Variants in GGH observed in about 807,000 individuals in gnomAD.
GGH encodes gamma-Glu-X carboxypeptidase.
In GGH, 18 loss-of-function variants were observed where a neutral mutation model predicts 39.2. That is an observed-to-expected ratio of 0.46 (90% CI 0.32 to 0.68). The LOEUF (loss-of-function observed/expected upper bound fraction) is 0.68. GGH is among the 30% of genes least tolerant of loss of function. The pLI, the probability that GGH is intolerant of heterozygous loss-of-function variation, is 0.04. For synonymous variants in GGH, 147 were observed against 138.8 expected (o/e 1.06, Z -0.42); for missense variants, 367 against 384.1 (o/e 0.96, Z 0.37).
At chr8:63,030,887 G>A (rs1310667679) in intron 2 of GGH, among the ~76,000 whole-genome samples, 2 of 151,560 alleles carry the variant, frequency 1.3e-5, no homozygotes, top group Non-Finnish European at 2.9e-5. Context: ...CCTTTCTCCA[G>A]AAAAAAAAGA....
rs558586047 is a variant in GGH, at chr8:63,033,479, T to C, written c.224+2177A>G. ...TTTATGATTCAGTCTTGGTAGACTG[T>C]GTGTTTCTAACAATTTATTCATTTC... On this transcript the variant is annotated intron_variant, in intron 2 of 8. Transcript: ENST00000260118. 9.2e-5 allele frequency among the ~76,000 whole-genome samples: 14 copies of C among 152,344 alleles called. No individual in the cohort carries two copies. In the East Asian group the frequency reaches 2.5e-3, roughly 27 times the overall value.
intron 1 of GGH, among the ~76,000 whole-genome samples, chr8:63,036,934 C>G (rs1804920449): frequency 6.6e-6 from 1 of 152,166 alleles, no homozygotes; most frequent in African/African-American, 2.4e-5. Context: ...ATGCTCTGCC[C>G]CACCCATCTC....
chr8:63,020,543 G>A (rs1174267089), intron 7 of GGH, among the ~76,000 whole-genome samples: 1 of 152,198 alleles, frequency 6.6e-6, no homozygotes, highest in African/African-American at 2.4e-5. Context: ...TTGTGGAGAA[G>A]AGGAATAATG....
intron 2 of GGH, among the ~76,000 whole-genome samples, chr8:63,033,983 T>TTTTA (rs1554603446): frequency 4.2e-5 from 6 of 143,240 alleles, no homozygotes; most frequent in African/African-American, 1.3e-4. Flanking sequence ...TTGTCTCTCC[T>TTTTA]TATATATATA....
chr8:63,022,630 T>C (rs12541370), intron 7 of GGH, among the ~76,000 whole-genome samples: 18,714 of 151,592 alleles, frequency 0.12, 1,355 homozygotes, highest in East Asian at 0.34. Context: ...TCTCGACTCA[T>C]TGCAACTCCA....
intron 3 of GGH, among the ~76,000 whole-genome samples, chr8:63,028,768 G>A (rs1291549311): frequency 6.6e-6 from 1 of 152,158 alleles, no homozygotes; most frequent in Non-Finnish European, 1.5e-5. Flanking sequence ...AAGACATACT[G>A]AGCATCTGGA....
chr8:63,034,663 T>C (rs1285924935), intron 2 of GGH, among the ~76,000 whole-genome samples: 2 of 152,200 alleles, frequency 1.3e-5, no homozygotes, highest in Admixed American at 1.3e-4. Context: ...TTTATTCTTA[T>C]AGGAACATTT....
At chr8:63,027,137 T>G in intron 4 of GGH, 44 bp downstream of exon 4, 2 of 934,438 alleles carry the variant, frequency 2.1e-6, no homozygotes, top group South Asian at 2.6e-5. Context: ...GCACAAAAAC[T>G]TACAGAAACC....
intron 2 of GGH, among the ~76,000 whole-genome samples, chr8:63,034,255 A>G (rs1250299124): frequency 6.6e-6 from 1 of 151,908 alleles, no homozygotes; most frequent in African/African-American, 2.4e-5. Flanking sequence ...TTAAAGACTA[A>G]TATCAAAAGC....
intron 1 of GGH, among the ~76,000 whole-genome samples, chr8:63,036,468 C>T (rs1254379126): frequency 6.6e-6 from 1 of 152,044 alleles, no homozygotes; most frequent in African/African-American, 2.4e-5. Flanking sequence ...GAGGGTGTAG[C>T]AGGGAGGGGA....
At chr8:63,033,774 G>T (rs1019280564) in intron 2 of GGH, among the ~76,000 whole-genome samples, 1 of 151,602 alleles carries the variant, frequency 6.6e-6, no homozygotes, top group Non-Finnish European at 1.5e-5. Context: ...AGCCCTTATT[G>T]CCCTCCTCCT....
chr8:63,017,101 G>A (rs1475463859), intron 8 of GGH, among the ~76,000 whole-genome samples: 1 of 152,138 alleles, frequency 6.6e-6, no homozygotes, highest in Non-Finnish European at 1.5e-5. Flanking sequence ...CGAGGCAGGA[G>A]GATCCCCTGA....
intron 8 of GGH, 32 bp downstream of exon 8, chr8:63,017,461 C>A (rs756624172): frequency 1.2e-4 from 179 of 1,543,638 alleles, no homozygotes; most frequent in Middle Eastern, 1.0e-3. Flanking sequence ...AAAACTACCC[C>A]AGAATAACAA....
chr8:63,035,920 G>GGGT, intron 1 of GGH, 150 bp from the exon 2 acceptor site: 5 of 749,248 alleles, frequency 6.7e-6, no homozygotes, highest in Non-Finnish European at 1.1e-5. Context: ...CATAGCCTAT[G>GGGT]GGAAAGCAGC....
Position 63,026,251 on chromosome 8 carries a change from C to T in GGH, c.406G>A (p.Gly136Arg). 2.5e-6 allele frequency: 4 copies of T among 1,610,200 alleles called. No homozygotes were observed. Among genetic ancestry groups the T allele is most frequent in the Non-Finnish European group, 3.4e-6 (4 of 1,177,306 alleles). The change falls in exon 5 of 9, where the codon GGA becomes AGA. Residue 136 changes from glycine to arginine, a missense_variant. Gly to Arg is a moderately radical substitution (Grantham distance 125). Coordinates refer to ENST00000260118, the MANE Select transcript of GGH (RefSeq NM_003878.3). Reference sequence around the variant, plus strand: ...ATCAGCAGTGAAAGCTCTTCAAATCCAAGGCATGTGCCCCACACAGGAAAA... The same window carrying T: ...ATCAGCAGTGAAAGCTCTTCAAATCTAAGGCATGTGCCCCACACAGGAAAA... ...DYFPVWGTCL[G>R]FEELSLLISG...
intron 7 of GGH, among the ~76,000 whole-genome samples, chr8:63,021,133 T>C (rs897076873): frequency 1.3e-5 from 2 of 152,186 alleles, no homozygotes; most frequent in Non-Finnish European, 2.9e-5. Context: ...ATTTTAATCA[T>C]CATATAAATG....
At chr8:63,017,730 C>A (rs12677953) in intron 7 of GGH, 100 bp from the exon 8 acceptor site, 81,075 of 669,168 alleles carry the variant, frequency 0.12, 6,498 homozygotes, top group East Asian at 0.35. Flanking sequence ...TATAATTCAC[C>A]TTATCAGACA....
rs543685028 is a variant in GGH at position 63,027,311 on chromosome 8, C to T, written c.276-46G>A. On this transcript the variant is annotated intron_variant, in intron 3 of 8. Coordinates refer to ENST00000260118, the MANE Select transcript of GGH (RefSeq NM_003878.3). ...TCAAATAGGGTGTATTTTGCCACCCCCGACCCATACACACACAGAAAACAA... is the reference window on the plus strand; with the variant it reads ...TCAAATAGGGTGTATTTTGCCACCCTCGACCCATACACACACAGAAAACAA... 31 of 911,678 alleles carry T rather than the reference C, an allele frequency of 3.4e-5. No homozygotes were observed. The South Asian group carries it at 3.7e-4, about 11-fold the overall frequency. The allele number at this position is 911,678 out of a possible 1,614,324, so 56.5% of individuals were successfully genotyped here. A position where few individuals can be genotyped will look rare whatever the true frequency, so the allele number is the denominator to read the frequency against.
chr8:63,032,499 A>G (rs921235847), intron 2 of GGH, among the ~76,000 whole-genome samples: 4 of 152,194 alleles, frequency 2.6e-5, no homozygotes, highest in African/African-American at 9.7e-5. Flanking sequence ...CGCCTGAGAC[A>G]GAAGGGGCAG....
Sources: allele counts gnomAD v4.1 joint callset (sites outside exome capture counted in the v4.1 genomes callset), GRCh38; gene constraint gnomAD v4.1.1; transcripts MANE v1.5; gene names NCBI Gene and HGNC (gene_info 2026-07-23, HGNC 2026-07-21).